The following TMC6 variants were observed in gnomAD, a reference collection of about 807,000 sequenced individuals.
TMC6 encodes transmembrane channel like 6.
In TMC6, 71 loss-of-function variants were observed where a neutral mutation model predicts 95.4. The ratio of observed to expected loss-of-function variants is 0.74; its 90% CI spans 0.61 to 0.91. The LOEUF (loss-of-function observed/expected upper bound fraction) is 0.91. Among genes scored for constraint, TMC6 ranks in the 40% least tolerant of loss-of-function variants. The probability of loss-of-function intolerance (pLI) is 0.00; values close to 1 mark genes in which losing one functional copy is unlikely to be tolerated. For synonymous variants in TMC6, 514 were observed against 483.1 expected (o/e 1.06, Z -0.84); for missense variants, 1,074 against 1,079.1 (o/e 1.00, Z 0.07).
upstream of TMC6, chr17:78,131,605 C>A: frequency 6.5e-7 from 1 of 1,547,724 alleles, no homozygotes; most frequent in South Asian, 1.2e-5. Context: ...CTGCCGCGGT[C>A]GGTGTCATCG....
In TMC6 at chr17:78,122,990, G is replaced by A. The variant is rs1436648773; in HGVS notation, c.1083-241C>T. 17 of 603,598 alleles carry A rather than the reference G, an allele frequency of 2.8e-5. No homozygotes were observed. The highest frequency in any genetic ancestry group is 3.8e-5 in the Non-Finnish European group (13 of 340,974). The allele number at this position is 603,598 out of a possible 1,614,324, so 37.4% of individuals were successfully genotyped here. A position where few individuals can be genotyped will look rare whatever the true frequency, so the allele number is the denominator to read the frequency against. On this transcript the variant is annotated intron_variant, in intron 9 of 19. Coordinates refer to ENST00000590602, the MANE Select transcript of TMC6 (RefSeq NM_001127198.5). The surrounding 1 kb of genome is among the most constrained non-coding windows in gnomAD (Gnocchi z 4.9). ...GAGGGGGCAGGGCTGCATTCACCGC[G>A]GACTTGGCTGGCTGCCTCCCAGCGA...
At chr17:78,131,702 G>A (rs749932196), upstream of TMC6, 2 of 1,581,576 alleles carry the variant, frequency 1.3e-6, no homozygotes, top group Non-Finnish European at 1.7e-6. Flanking sequence ...CCGTGCGCGG[G>A]CTGCCCTATG....
rs2074833331 is a variant in TMC6 at position 78,128,200 on chromosome 17, A to AGCTTCCCGGGAGCAGCC, written c.-75+395_-75+411dup. 2.0e-5 allele frequency among the ~76,000 whole-genome samples: 3 copies of AGCTTCCCGGGAGCAGCC among 152,132 alleles called. No individual in the cohort carries two copies. The highest frequency in any genetic ancestry group is 1.3e-4 in the Admixed American group (2 of 15,298). ...GGAACCCCCACCCCAGCCGGCAGCG[A>AGCTTCCCGGGAGCAGCC]GCTTCCCGGGAGCAGCCGCTACCCA... is the stretch of plus-strand genomic sequence containing the variant. On this transcript the variant is annotated intron_variant, in intron 1 of 19. Coordinates refer to ENST00000590602, the MANE Select transcript of TMC6 (RefSeq NM_001127198.5). The surrounding 1 kb of genome is among the most constrained non-coding windows in gnomAD (Gnocchi z 4.0).
rs762202858 is a variant in TMC6, at chr17:78,124,097, C to CCATCCAGGGGGCTGCCACACGGCTGGTT, written c.946_973dup (p.Gly325GlufsTer185). 1.2e-6 allele frequency: 2 copies of CCATCCAGGGGGCTGCCACACGGCTGGTT among 1,613,176 alleles called. No homozygotes were observed. The highest frequency in any genetic ancestry group is 2.7e-5 in the African/African-American group (2 of 74,902). On this transcript the variant is annotated frameshift_variant, in exon 9 of 20. Transcript: ENST00000590602. LOFTEE classifies it high-confidence loss of function. ...ACCCACCCTGGGTGTGCACTGGCTG[C>CCATCCAGGGGGCTGCCACACGGCTGGTT]CATCCAGGGGGCTGCCACACGGCTG... is the stretch of plus-strand genomic sequence containing the variant.
rs2073772113 is a variant in TMC6 at position 78,109,121 on chromosome 17, T to C, written c.*4027A>G. On this transcript the variant is annotated 3_prime_UTR_variant, in exon 20 of 20. Coordinates refer to ENST00000590602, the MANE Select transcript of TMC6 (RefSeq NM_001127198.5). ...GCCAGGTGCCCAGCCTTTGTTGTTGTTGTTGTTGCTGCTATTTTGGCAACA... is the reference window on the plus strand; with the variant it reads ...GCCAGGTGCCCAGCCTTTGTTGTTGCTGTTGTTGCTGCTATTTTGGCAACA... 3.7e-6 allele frequency: 1 copy of C among 270,548 alleles called. No homozygotes were observed. The highest frequency in any genetic ancestry group is 7.3e-6 in the Non-Finnish European group (1 of 136,464). 16.8% of individuals were successfully genotyped at this position (270,548 alleles called of 1,614,324 possible). A position where few individuals can be genotyped will look rare whatever the true frequency, so the allele number is the denominator to read the frequency against.
intron 13 of TMC6, chr17:78,120,062 G>A (rs1254061446): frequency 5.3e-6 from 2 of 375,940 alleles, no homozygotes; most frequent in South Asian, 2.1e-5. Context: ...GGAATACCTG[G>A]AACATTTTTT....
upstream of TMC6, chr17:78,130,711 G>A (rs184798971): frequency 2.6e-5 from 4 of 152,434 alleles, no homozygotes; most frequent in East Asian, 7.7e-4. Context: ...GGGGTGAGAG[G>A]GGAGGAGGGA....
upstream of TMC6, chr17:78,132,211 C>A (rs1200855738): frequency 7.3e-7 from 1 of 1,376,974 alleles, no homozygotes; most frequent in East Asian, 2.5e-5. Flanking sequence ...CGCAGCACCC[C>A]CAGGTGACTG....
Position 78,113,065 on chromosome 17 carries a change from C to T in TMC6, c.*83G>A. The T allele has an allele frequency of 6.7e-7, 1 of 1,487,756 alleles. No homozygotes were observed. The highest frequency in any genetic ancestry group is 1.7e-4 in the Middle Eastern group (1 of 5,752). The allele number at this position is 1,487,756 out of a possible 1,614,324, so 92.2% of individuals were successfully genotyped here. On this transcript the variant is annotated 3_prime_UTR_variant, in exon 20 of 20. Transcript: ENST00000590602. ...CGAGAGGCGAAACTGTCTTCCTTGT[C>T]CTGGTGTCCCAGCAGGGTCACTGGG...
rs1413440057 is a variant in TMC6, at chr17:78,107,494, T to C, written c.*5654A>G. 1 of 152,242 alleles carries C rather than the reference T, an allele frequency of 6.6e-6. No homozygotes were observed. Among genetic ancestry groups the C allele is most frequent in the East Asian group, 1.9e-4 (1 of 5,200 alleles). The allele number at this position is 152,242 out of a possible 1,614,324, so 9.4% of individuals were successfully genotyped here. A position where few individuals can be genotyped will look rare whatever the true frequency, so the allele number is the denominator to read the frequency against. On this transcript the variant is annotated 3_prime_UTR_variant, in exon 20 of 20. Transcript: ENST00000590602. Reference sequence around the variant, plus strand: ...GTGTTTTTCATTTTTCAAAAGACACTATGGATGTCTACTTTGCACGCTGCG... The same window carrying C: ...GTGTTTTTCATTTTTCAAAAGACACCATGGATGTCTACTTTGCACGCTGCG...
rs2074852902 is a variant in TMC6, at chr17:78,128,454, G to A, written c.-75+158C>T. Among the ~76,000 whole-genome samples the A allele has an allele frequency of 6.6e-6, 1 of 152,178 alleles. No individual in the cohort carries two copies. The highest frequency in any genetic ancestry group is 2.4e-5 in the African/African-American group (1 of 41,438). ...CGCTCCCAGCTCTGTCCGAGCCGGA[G>A]GGTCAAGCCCTGGGAGCTCCAGGAG... On this transcript the variant is annotated intron_variant, in intron 1 of 19. Coordinates refer to ENST00000590602, the MANE Select transcript of TMC6 (RefSeq NM_001127198.5). This position sits in a 1 kb window ranked among gnomAD's most constrained non-coding sequence, Gnocchi z 4.0.
Position 78,110,485 on chromosome 17 carries a change from A to G in TMC6, c.*2663T>C, listed in dbSNP as rs189048484. On this transcript the variant is annotated 3_prime_UTR_variant, in exon 20 of 20. Coordinates refer to ENST00000590602, the MANE Select transcript of TMC6 (RefSeq NM_001127198.5). ...AGACTCTGAAAAAGCAAATAAACCG[A>G]AACTCTTGGGCTCAAGCAATCCTCC... 2.0e-5 allele frequency: 3 copies of G among 152,190 alleles called. No individual in the cohort carries two copies. The highest frequency in any genetic ancestry group is 4.4e-5 in the Non-Finnish European group (3 of 68,042). 9.4% of individuals were successfully genotyped at this position (152,190 alleles called of 1,614,324 possible).
chr17:78,126,249 C>G (rs759406793), intron 4 of TMC6, 28 bp downstream of exon 4: 3 of 1,543,548 alleles, frequency 1.9e-6, no homozygotes, highest in East Asian at 2.4e-5. Flanking sequence ...GGGCCGGGGC[C>G]GAGGCCGAGG....
chr17:78,126,286 G>C lies in TMC6; in HGVS notation c.262C>G (p.Arg88Gly). 1 of 1,560,136 alleles carries C rather than the reference G, an allele frequency of 6.4e-7. No homozygotes were observed. Among genetic ancestry groups the C allele is most frequent in the Non-Finnish European group, 8.7e-7 (1 of 1,155,796 alleles). Residue 88 changes from arginine (R) to glycine (G), a missense_variant, in exon 4 of 20, where the codon CGC becomes GGC. Arg to Gly is a moderately radical substitution (Grantham distance 125, BLOSUM62 -2). Coordinates refer to ENST00000590602, the MANE Select transcript of TMC6 (RefSeq NM_001127198.5). ...TGAGGGTCCCACTCACCAATGGTGC[G>C]GCTGGGCATGCTGGCCAGGATGCGG... ...TLRILASMPSRTIGRSRGAII... is the reference protein window; with the variant it reads ...TLRILASMPSGTIGRSRGAII...
chr17:78,113,659 C>A, intron 18 of TMC6, 35 bp from the exon 19 acceptor site: 1 of 1,607,820 alleles, frequency 6.2e-7, no homozygotes, highest in South Asian at 1.1e-5. Flanking sequence ...GAGGAGAAAT[C>A]ATCCATCAGC....
chr17:78,118,343 C>T (rs1208930402), intron 15 of TMC6, among the ~76,000 whole-genome samples: 1 of 151,816 alleles, frequency 6.6e-6, no homozygotes, highest in African/African-American at 2.4e-5. Flanking sequence ...ATCACAAGGT[C>T]AGGAGATCAA....
chr17:78,122,506 C>T lies in TMC6; in HGVS notation c.1227+99G>A. On this transcript the variant is annotated intron_variant, in intron 10 of 19. Coordinates refer to ENST00000590602, the MANE Select transcript of TMC6 (RefSeq NM_001127198.5). This position sits in a 1 kb window ranked among gnomAD's most constrained non-coding sequence, Gnocchi z 4.9. ...GTTCAGCTCACGGACAGCTGGCCCT[C>T]CCTCTAGACCATGGTTCTGGTCACA... 1 of 1,544,400 alleles carries T rather than the reference C, an allele frequency of 6.5e-7. No individual in the cohort carries two copies. The highest frequency in any genetic ancestry group is 8.7e-7 in the Non-Finnish European group (1 of 1,145,428).
chr17:78,124,683 G>C lies in TMC6; in HGVS notation c.732C>G (p.Ser244Arg). The change falls in exon 8 of 20, where the codon AGC becomes AGG. Residue 244 changes from serine to arginine, a missense_variant. Ser to Arg is a moderately radical substitution (Grantham distance 110). Coordinates refer to ENST00000590602, the MANE Select transcript of TMC6 (RefSeq NM_001127198.5). ...LKRIGGQFGS[S>R]VLSYFLFLKT... is the part of the protein sequence containing the mutation. Reference sequence around the variant, plus strand: ...TGAGAAAGAGGAAGTAGGAGAGCACGCTGGAGCCGAACTGGCCCCCGATGC... The same window carrying C: ...TGAGAAAGAGGAAGTAGGAGAGCACCCTGGAGCCGAACTGGCCCCCGATGC... The C allele has an allele frequency of 3.1e-6, 5 of 1,606,288 alleles. No individual in the cohort carries two copies. Among genetic ancestry groups the C allele is most frequent in the Non-Finnish European group, 4.2e-6 (5 of 1,176,836 alleles).
At position 78,119,337 on chromosome 17, in the gene TMC6, G is replaced by A. The variant is rs142184953; in HGVS notation, c.1771C>T (p.Arg591Trp). ...CCATAAATCAGCTCCAGGACATTCC[G>A]GGCAATGTCAAACTCCGGCTTCCGC... ...RRRKPEFDIA[R>W]NVLELIYGQT... Residue 591 changes from arginine to tryptophan, a missense_variant, in exon 14 of 20, where the codon CGG becomes TGG. Coordinates refer to ENST00000590602, the MANE Select transcript of TMC6 (RefSeq NM_001127198.5). The A allele has an allele frequency of 2.7e-5, 44 of 1,613,942 alleles. No individual in the cohort carries two copies. The Admixed American group carries it at 3.5e-4, about 13-fold the overall frequency.
Sources: allele counts gnomAD v4.1 joint callset (sites outside exome capture counted in the v4.1 genomes callset), GRCh38; gene constraint gnomAD v4.1.1; non-coding constraint Gnocchi (gnomAD v3.1); transcripts MANE v1.5; gene names NCBI Gene and HGNC (gene_info 2026-07-23, HGNC 2026-07-21).